Variants in CYC1 observed in about 807,000 individuals in gnomAD.
CYC1 encodes the protein cytochrome c1, heme protein, mitochondrial.
Under a neutral mutation model 33.8 loss-of-function variants are expected in CYC1, and 10 were observed. The ratio of observed to expected loss-of-function variants is 0.30; its 90% confidence interval spans 0.18 to 0.50. The LOEUF (loss-of-function observed/expected upper bound fraction) is 0.50, where lower values mean the gene tolerates loss of function less well. Ranked by LOEUF, CYC1 falls within the 20% of genes least tolerant of loss-of-function variation. CYC1 has a pLI of 0.98. For missense variants in CYC1, 459 were observed against 437.6 expected (o/e 1.05, Z -0.44); for synonymous variants, 224 against 181.9 (o/e 1.23, Z -1.86).
chr8:144,096,370 G>A lies in CYC1; in HGVS notation c.487G>A (p.Glu163Lys), dbSNP rs1587604087. The A allele has an allele frequency of 6.2e-7, 1 of 1,614,118 alleles. No individual in the cohort carries two copies. The highest frequency in any genetic ancestry group is 8.5e-7 in the Non-Finnish European group (1 of 1,180,020). ...TCAAGACGGCCCCAATGAAGATGGG[G>A]AGATGTTCATGCGGCCAGGGAAGCT... Reference protein sequence around the residue: ...EVQDGPNEDGEMFMRPGKLFD... With the variant: ...EVQDGPNEDGKMFMRPGKLFD... The change falls in exon 4 of 7, where the codon GAG becomes AAG. Residue 163 changes from glutamate to lysine, a missense_variant. By Grantham distance (56) the Glu-to-Lys change is moderately conservative. Coordinates refer to ENST00000318911, the MANE Select transcript of CYC1 (RefSeq NM_001916.5).
At position 144,097,461 on chromosome 8, in the gene CYC1, C is replaced by G; in HGVS notation, c.*125C>G. The G allele has an allele frequency of 1.4e-6, 1 of 713,174 alleles. No homozygotes were observed. The highest frequency in any genetic ancestry group is 2.4e-6 in the Non-Finnish European group (1 of 422,944). The allele number at this position is 713,174 out of a possible 1,614,324, so 44.2% of individuals were successfully genotyped here. ...GAAGAAGAGGCAAGGGGGCAGGAGACCAGGCTCTAGCTCTGGGCCCTCCTT... is the reference window on the plus strand; with the variant it reads ...GAAGAAGAGGCAAGGGGGCAGGAGAGCAGGCTCTAGCTCTGGGCCCTCCTT... On this transcript the variant is annotated 3_prime_UTR_variant, in exon 7 of 7. Coordinates refer to ENST00000318911, the MANE Select transcript of CYC1 (RefSeq NM_001916.5).
chr8:144,096,566 C>T lies in CYC1; in HGVS notation c.612-18C>T. ...CTGACTTGTGCTTGGAACTAAGGAGCCATGGATCTGGTCCTAGGCATGGTG... is the reference window on the plus strand; with the variant it reads ...CTGACTTGTGCTTGGAACTAAGGAGTCATGGATCTGGTCCTAGGCATGGTG... On this transcript the variant is annotated intron_variant, in intron 4 of 6. Coordinates refer to ENST00000318911, the MANE Select transcript of CYC1 (RefSeq NM_001916.5). The T allele has an allele frequency of 1.9e-6, 3 of 1,613,976 alleles. No individual in the cohort carries two copies. Among genetic ancestry groups the T allele is most frequent in the Non-Finnish European group, 2.5e-6 (3 of 1,179,944 alleles).
chr8:144,096,583 G>A lies in CYC1; in HGVS notation c.612-1G>A. On this transcript the variant is annotated splice_acceptor_variant, in intron 4 of 6. Coordinates refer to ENST00000318911, the MANE Select transcript of CYC1 (RefSeq NM_001916.5). LOFTEE classifies it high-confidence loss of function. ...CTAAGGAGCCATGGATCTGGTCCTAGGCATGGTGGTGAGGACTACGTCTTC... is the reference window on the plus strand; with the variant it reads ...CTAAGGAGCCATGGATCTGGTCCTAAGCATGGTGGTGAGGACTACGTCTTC... 1 of 1,614,084 alleles carries A rather than the reference G, an allele frequency of 6.2e-7. No individual in the cohort carries two copies. The highest frequency in any genetic ancestry group is 8.5e-7 in the Non-Finnish European group (1 of 1,180,002).
At position 144,095,190 on chromosome 8, in the gene CYC1, A is replaced by AGCGCGGGGCTCCCGG; in HGVS notation, c.96_97insGGGCTCCCGGGCGCG (p.Ala32_Arg33insGlyLeuProGlyAla). 1 of 1,207,200 alleles carries AGCGCGGGGCTCCCGG rather than the reference A, an allele frequency of 8.3e-7. No homozygotes were observed. Among genetic ancestry groups the AGCGCGGGGCTCCCGG allele is most frequent in the Non-Finnish European group, 1.0e-6 (1 of 971,870 alleles). The allele number at this position is 1,207,200 out of a possible 1,614,324, so 74.8% of individuals were successfully genotyped here. ...CGCGCGTGCCCGGGGTCTGCTGTGC[A>AGCGCGGGGCTCCCGG]GCGCGCGTCCCGGGCAGCTCCCGCT... On this transcript the variant is annotated inframe_insertion, in exon 1 of 7. Transcript: ENST00000318911.
In CYC1 at chr8:144,097,016, C is replaced by T. The variant is rs532256208; in HGVS notation, c.773-18C>T. 7 of 1,587,662 alleles carry T rather than the reference C, an allele frequency of 4.4e-6. No individual in the cohort carries two copies. The highest frequency in any genetic ancestry group is 4.0e-5 in the African/African-American group (3 of 74,502). ...GACATGAGCCTGAGAATAGCCCTCA[C>T]TGCTTGTCGTTGGCCAGGCACCCCA... On this transcript the variant is annotated intron_variant, in intron 5 of 6. Coordinates refer to ENST00000318911, the MANE Select transcript of CYC1 (RefSeq NM_001916.5).
At chr8:144,095,772 A>T (rs946710339) in intron 1 of CYC1, 61 bp from the exon 2 acceptor site, 2 of 1,559,116 alleles carry the variant, frequency 1.3e-6, no homozygotes, top group African/African-American at 2.7e-5. Flanking sequence ...GGGCGCTGAG[A>T]GTCAGATCCC....
intron 3 of CYC1, 29 bp downstream of exon 3, chr8:144,096,279 A>G: frequency 1.2e-6 from 2 of 1,612,074 alleles, no homozygotes; most frequent in Non-Finnish European, 1.7e-6. Flanking sequence ...CCTGGGACCC[A>G]GGGCTCAGGG....
At chr8:144,097,206 C>G (rs1006594181) in intron 6 of CYC1, 26 bp from the exon 7 acceptor site, 2 of 1,612,880 alleles carry the variant, frequency 1.2e-6, no homozygotes, top group Middle Eastern at 3.3e-4. Flanking sequence ...TCCCCACTCC[C>G]TTCTCTGAGC....
rs1587606287 is a variant in CYC1, at chr8:144,097,343, C to T, written c.*7C>T. The T allele has an allele frequency of 1.9e-6, 3 of 1,611,716 alleles. No homozygotes were observed. The highest frequency in any genetic ancestry group is 2.5e-6 in the Non-Finnish European group (3 of 1,178,324). On this transcript the variant is annotated 3_prime_UTR_variant, in exon 7 of 7. Coordinates refer to ENST00000318911, the MANE Select transcript of CYC1 (RefSeq NM_001916.5). ...ATATCGGCCGCCCAAGTGACCCTGT[C>T]CAGTGTCTGCTTGCCATCCTGCCAG...
At chr8:144,095,369 C>T (rs1430208665) in intron 1 of CYC1, 141 bp downstream of exon 1, 1 of 725,062 alleles carries the variant, frequency 1.4e-6, no homozygotes, top group African/African-American at 1.8e-5. Flanking sequence ...TGCCTGCCGA[C>T]CTTGAGCGTG....
intron 5 of CYC1, 40 bp from the exon 6 acceptor site, chr8:144,096,994 A>C: frequency 1.3e-6 from 2 of 1,532,734 alleles, no homozygotes; most frequent in Middle Eastern, 1.7e-4. Context: ...CAGGTTGGAC[A>C]TGAGCCTGAG....
Position 144,096,112 on chromosome 8 carries a change from C to T in CYC1, c.327-12C>T, listed in dbSNP as rs1272954253. 3.7e-6 allele frequency: 6 copies of T among 1,611,212 alleles called. No individual in the cohort carries two copies. Among genetic ancestry groups the T allele is most frequent in the Admixed American group, 1.7e-5 (1 of 59,994 alleles). On this transcript the variant is annotated splice_polypyrimidine_tract_variant and intron_variant, in intron 2 of 6. Transcript: ENST00000318911. The stretch of plus-strand genomic sequence containing the variant: ...GAATCTTCAGCTTTCCTAACCCTTT[C>T]CCTCCCTCCAGCATCCGGAGGGGTT...
chr8:144,096,036 A>AGCTG lies in CYC1; in HGVS notation c.326+22_326+25dup, dbSNP rs748482749. 209 of 1,598,700 alleles carry AGCTG rather than the reference A, an allele frequency of 1.3e-4. No homozygotes were observed. Among genetic ancestry groups the AGCTG allele is most frequent in the Non-Finnish European group, 1.6e-4 (183 of 1,174,662 alleles). ...CTTCCTTGGACCACACCAGGTGTGC[A>AGCTG]GCTGGCTGGCTGGCTGGCAGCGGGA... On this transcript the variant is annotated splice_region_variant and intron_variant, in intron 2 of 6. Transcript: ENST00000318911.
Position 144,095,121 on chromosome 8 carries a change from C to T in CYC1, c.22C>T (p.Leu8Phe). 3.3e-6 allele frequency: 4 copies of T among 1,210,986 alleles called. No individual in the cohort carries two copies. The highest frequency in any genetic ancestry group is 4.1e-6 in the Non-Finnish European group (4 of 973,082). The allele number at this position is 1,210,986 out of a possible 1,614,324, so 75.0% of individuals were successfully genotyped here. Residue 8 changes from leucine to phenylalanine, a missense_variant, in exon 1 of 7, where the codon CTT (leucine) becomes TTT (phenylalanine). Coordinates refer to ENST00000318911, the MANE Select transcript of CYC1 (RefSeq NM_001916.5). ...CAAGATGGCGGCAGCTGCGGCTTCGCTTCGCGGGGTAGTGTTGGGCCCGCG... is the reference window on the plus strand; with the variant it reads ...CAAGATGGCGGCAGCTGCGGCTTCGTTTCGCGGGGTAGTGTTGGGCCCGCG... The part of the protein sequence containing the change: MAAAAAS[L>F]RGVVLGPRGA...
At chr8:144,096,767 GTGGGCATGTGGAATACT>G (rs1836166712) in intron 5 of CYC1, 23 bp downstream of exon 5, 2 of 19,782 alleles carry the variant, frequency 1.0e-4, no homozygotes, top group Non-Finnish European at 9.7e-5. Flanking sequence ...CAGTCTGGCA[GTGGGCATGTGGAATACT>G]TCTCCACTAC....
At position 144,095,145 on chromosome 8, in the gene CYC1, C is replaced by T. The variant is rs1183087192; in HGVS notation, c.46C>T (p.Arg16Trp). 2 of 1,210,416 alleles carry T rather than the reference C, an allele frequency of 1.7e-6. No homozygotes were observed. The highest frequency in any genetic ancestry group is 4.4e-5 in the Admixed American group (1 of 22,842). The allele number at this position is 1,210,416 out of a possible 1,614,324, so 75.0% of individuals were successfully genotyped here. ...ASLRGVVLGPRGAGLPGARAR... is the reference protein window; with the variant it reads ...ASLRGVVLGPWGAGLPGARAR... ...GCTTCGCGGGGTAGTGTTGGGCCCG[C>T]GGGGCGCGGGGCTCCCGGGCGCGCG... The change falls in exon 1 of 7, where the codon CGG becomes TGG. Residue 16 changes from arginine (R) to tryptophan (W), a missense_variant. Physicochemically the swap from Arg to Trp is moderately radical, Grantham distance 101. Coordinates refer to ENST00000318911, the MANE Select transcript of CYC1 (RefSeq NM_001916.5).
At chr8:144,096,562 G>A (rs745780848) in intron 4 of CYC1, 22 bp from the exon 5 acceptor site, 1 of 1,614,044 alleles carries the variant, frequency 6.2e-7, no homozygotes, top group African/African-American at 1.3e-5. Flanking sequence ...TTGGAACTAA[G>A]GAGCCATGGA....
At chr8:144,095,621 C>T (rs1465600517) in intron 1 of CYC1, 1 of 599,454 alleles carries the variant, frequency 1.7e-6, no homozygotes, top group African/African-American at 1.9e-5. Flanking sequence ...CGGTCTGATC[C>T]CCGGCTCAGG....
Position 144,096,687 on chromosome 8 carries a change from G to T in CYC1, c.715G>T (p.Gly239Cys), listed in dbSNP as rs1006696830. Residue 239 changes from glycine to cysteine, a missense_variant, in exon 5 of 7, where the codon GGC becomes TGC. Gly to Cys is a radical substitution (Grantham distance 159, BLOSUM62 -3). Coordinates refer to ENST00000318911, the MANE Select transcript of CYC1 (RefSeq NM_001916.5). ...TCTCTACTTCAACCCCTACTTTCCT[G>T]GCCAGGCCATTGCCATGGCCCCTCC... ...EGLYFNPYFP[G>C]QAIAMAPPIY... 6.2e-7 allele frequency: 1 copy of T among 1,613,070 alleles called. No homozygotes were observed. Among genetic ancestry groups the T allele is most frequent in the Non-Finnish European group, 8.5e-7 (1 of 1,179,814 alleles).
Sources: gnomAD v4.1 joint callset for allele counts on GRCh38, gnomAD v4.1.1 for gene constraint, MANE v1.5 for transcripts, NCBI Gene and HGNC (gene_info 2026-07-23, HGNC 2026-07-21) for gene names.